The following TGFBR3 variants were observed in gnomAD, a reference collection of about 807,000 sequenced individuals.
The protein encoded by TGFBR3 is transforming growth factor beta receptor type 3.
A neutral mutation model predicts 87.9 loss-of-function variants in TGFBR3; 46 were observed. That is an observed-to-expected ratio of 0.52 (90% CI 0.41 to 0.67). The LOEUF (loss-of-function observed/expected upper bound fraction) is 0.67, where lower values mean the gene tolerates loss of function less well. Among genes scored for constraint, TGFBR3 ranks in the 30% least tolerant of loss-of-function variants. TGFBR3 has a pLI of 0.00. For synonymous variants in TGFBR3, 381 were observed against 391.6 expected (o/e 0.97, Z 0.32); for missense variants, 866 against 1,041.9 (o/e 0.83, Z 2.32).
At chr1:91,890,458 T>C (rs181144744), upstream of TGFBR3, among the ~76,000 whole-genome samples, 1 of 144,808 alleles carries the variant, frequency 6.9e-6, no homozygotes, top group Admixed American at 7.1e-5. Flanking sequence ...TCCGTCTTGT[T>C]GCCCAGGCCG....
intron 1 of TGFBR3, among the ~76,000 whole-genome samples, chr1:91,877,701 G>C (rs572267987): frequency 6.6e-6 from 1 of 152,162 alleles, no homozygotes; most frequent in Non-Finnish European, 1.5e-5. Context: ...CCTAGCTCCT[G>C]TGTCAAAAAC....
chr1:91,729,150 T>TACACACACACACACACAC (rs57364204), intron 6 of TGFBR3, among the ~76,000 whole-genome samples: 6 of 66,856 alleles, frequency 9.0e-5, no homozygotes, highest in Non-Finnish European at 1.8e-4. Flanking sequence ...CACTCCAGCA[T>TACACACACACACACACAC]ACACACACAC....
chr1:91,881,129 T>G (rs899355364), intron 1 of TGFBR3, among the ~76,000 whole-genome samples: 2 of 152,166 alleles, frequency 1.3e-5, no homozygotes, highest in Non-Finnish European at 2.9e-5. Flanking sequence ...GTCTAAACTC[T>G]AACTGTTCTG....
intron 10 of TGFBR3, among the ~76,000 whole-genome samples, chr1:91,718,778 A>C (rs1672262593): frequency 6.6e-6 from 1 of 152,188 alleles, no homozygotes; most frequent in African/African-American, 2.4e-5. Context: ...GAGTTTCTTC[A>C]ATGTATGGTC....
intron 2 of TGFBR3, among the ~76,000 whole-genome samples, chr1:91,895,474 C>T (rs1679534757): frequency 6.6e-6 from 1 of 151,882 alleles, no homozygotes; most frequent in African/African-American, 2.4e-5. Context: ...TATAAATTAC[C>T]CAGTATCAGG....
intron 16 of TGFBR3, among the ~76,000 whole-genome samples, chr1:91,694,489 T>C (rs1215856137): frequency 6.6e-6 from 1 of 152,246 alleles, no homozygotes; most frequent in African/African-American, 2.4e-5. Flanking sequence ...GTATTTAAAG[T>C]GAAAATTCTG....
intron 3 of TGFBR3, among the ~76,000 whole-genome samples, chr1:91,789,550 T>C (rs1675108597): frequency 6.6e-6 from 1 of 152,224 alleles, no homozygotes; most frequent in South Asian, 2.1e-4. Context: ...ACCTGCATCT[T>C]GGTAGGAACG....
At chr1:91,902,268 C>CT (rs141866290) in intron 1 of TGFBR3, among the ~76,000 whole-genome samples, 54 of 125,296 alleles carry the variant, frequency 4.3e-4, no homozygotes, top group South Asian at 1.9e-3. Flanking sequence ...CTTTCCTTTT[C>CT]TTTTGTGTGT....
At chr1:91,730,030 A>C in intron 5 of TGFBR3, 57 bp from the exon 6 acceptor site, 1 of 1,599,900 alleles carries the variant, frequency 6.3e-7, no homozygotes, top group Non-Finnish European at 8.6e-7. Context: ...AACCAGATTC[A>C]AAGGAAGGAG....
chr1:91,750,152 G>A (rs1314793035), intron 4 of TGFBR3, among the ~76,000 whole-genome samples: 3 of 152,194 alleles, frequency 2.0e-5, no homozygotes, highest in Non-Finnish European at 4.4e-5. Context: ...CCAGAGCCAG[G>A]AAAAGTCTAC....
chr1:91,835,595 G>A (rs1294879722), intron 2 of TGFBR3, among the ~76,000 whole-genome samples: 1 of 152,084 alleles, frequency 6.6e-6, no homozygotes, highest in Non-Finnish European at 1.5e-5. Flanking sequence ...TTGGGAGGCT[G>A]AGGTGGGCAG....
chr1:91,697,242 C>T (rs1457736249), intron 15 of TGFBR3, among the ~76,000 whole-genome samples: 1 of 152,014 alleles, frequency 6.6e-6, no homozygotes, highest in Non-Finnish European at 1.5e-5. Context: ...CCATATGTGC[C>T]TCTGTTTGAG....
intron 3 of TGFBR3, among the ~76,000 whole-genome samples, chr1:91,786,831 T>C (rs1004795553): frequency 6.6e-6 from 1 of 151,860 alleles, no homozygotes; most frequent in East Asian, 1.9e-4. Flanking sequence ...CTGGTGACAT[T>C]GATGGGTCAG....
At chr1:91,843,849 C>T (rs1226289625) in intron 2 of TGFBR3, among the ~76,000 whole-genome samples, 1 of 152,136 alleles carries the variant, frequency 6.6e-6, no homozygotes, top group South Asian at 2.1e-4. Context: ...ATTACTTTCC[C>T]TAAATAAAGG....
At position 91,838,543 on chromosome 1, in the gene TGFBR3, C is replaced by T. The variant is rs530636351; in HGVS notation, c.61+22928G>A. Among the ~76,000 whole-genome samples, 393 of 150,228 alleles carry T rather than the reference C, an allele frequency of 2.6e-3. 3 individuals carry two copies. Among genetic ancestry groups the T allele is most frequent in the African/African-American group, 9.4e-3 (383 of 40,792 alleles). On this transcript the variant is annotated intron_variant, in intron 2 of 16. Transcript: ENST00000212355. ...GGGCAAACTCGGCGCACTGCAAGCT[C>T]TGCCTCCCGGGTTCACACCATTCTC...
chr1:91,686,234 A>G (rs1232037536), intron 16 of TGFBR3, among the ~76,000 whole-genome samples: 1 of 152,210 alleles, frequency 6.6e-6, no homozygotes, highest in Admixed American at 6.5e-5. Context: ...TTTGCCAAAT[A>G]TAATTTGTTG....
At position 91,680,347 on chromosome 1, in the gene TGFBR3, T is replaced by A. The variant is rs1180897301; in HGVS notation, c.*3392A>T. 5 of 426,132 alleles carry A rather than the reference T, an allele frequency of 1.2e-5. No individual in the cohort carries two copies. The highest frequency in any genetic ancestry group is 2.3e-5 in the Non-Finnish European group (5 of 217,372). 26.4% of individuals were successfully genotyped at this position (426,132 alleles called of 1,614,324 possible). A position where few individuals can be genotyped will look rare whatever the true frequency, so the allele number is the denominator to read the frequency against. ...TTAATGATAACAAGACACATATTAA[T>A]AACTGATATATATCTTTTTATTATG... is the stretch of plus-strand genomic sequence containing the variant. On this transcript the variant is annotated 3_prime_UTR_variant, in exon 17 of 17. Transcript: ENST00000212355.
chr1:91,692,287 A>G (rs1671293477), intron 16 of TGFBR3, among the ~76,000 whole-genome samples: 1 of 152,208 alleles, frequency 6.6e-6, no homozygotes, highest in African/African-American at 2.4e-5. Context: ...CAATATACTC[A>G]GGTTATTTAG....
intron 1 of TGFBR3, among the ~76,000 whole-genome samples, chr1:91,900,013 C>T (rs1052215259): frequency 2.6e-5 from 4 of 151,994 alleles, no homozygotes; most frequent in Non-Finnish European, 4.4e-5. Context: ...GCACAGTTGA[C>T]TTGAATTTTG....
Sources: gnomAD v4.1 joint callset for allele counts (sites outside exome capture counted in the v4.1 genomes callset) on GRCh38, gnomAD v4.1.1 for gene constraint, MANE v1.5 for transcripts, NCBI Gene and HGNC (gene_info 2026-07-23, HGNC 2026-07-21) for gene names.